Variants in MPDZ observed in about 807,000 individuals in gnomAD.
MPDZ encodes the protein multiple PDZ domain protein.
In MPDZ, 234 loss-of-function variants were observed where a neutral mutation model predicts 239.1. The observed-to-expected ratio is 0.98, with a 90% CI of 0.88 to 1.09. The LOEUF (loss-of-function observed/expected upper bound fraction) is 1.09, where lower values mean the gene tolerates loss of function less well. Among genes scored for constraint, MPDZ ranks in the 50% least tolerant of loss-of-function variants. The pLI is 0.00. For synonymous variants in MPDZ, 1,048 were observed against 881.3 expected, an observed-to-expected ratio of 1.19 and a Z score of -3.35; for missense variants, 3,175 against 2,510.0, an observed-to-expected ratio of 1.26 and a Z score of -5.66.
chr9:13,155,777 T>G (rs1949742142), intron 24 of MPDZ, among the ~76,000 whole-genome samples: 1 of 152,202 alleles, frequency 6.6e-6, no homozygotes. Flanking sequence ...CCTAATTTAT[T>G]AAAAGCTCTG....
rs750301262 is a variant in MPDZ at position 13,168,568 on chromosome 9, C to A, written c.3056-4G>T. The A allele has an allele frequency of 3.9e-6, 6 of 1,552,468 alleles. No individual in the cohort carries two copies. The highest frequency in any genetic ancestry group is 2.6e-6 in the Non-Finnish European group (3 of 1,155,710). ...TTATTAGCACTAACTGTCATTCCTA[C>A]AGGAAAAGAGAAATGCAAATATAAT... On this transcript the variant is annotated splice_polypyrimidine_tract_variant and splice_region_variant and intron_variant, in intron 21 of 46. Transcript: ENST00000319217.
At chr9:13,205,278 C>T (rs758726207) in intron 11 of MPDZ, among the ~76,000 whole-genome samples, 171 bp from the exon 12 acceptor site, 15 of 152,084 alleles carry the variant, frequency 9.9e-5, no homozygotes, top group Non-Finnish European at 1.5e-4. Context: ...GAAAAGAATA[C>T]ATTTCTCCTG....
At chr9:13,124,233 CTATT>C (rs1460223144) in intron 35 of MPDZ, among the ~76,000 whole-genome samples, 2 of 152,084 alleles carry the variant, frequency 1.3e-5, no homozygotes, top group African/African-American at 4.8e-5. Flanking sequence ...ATAGACAACA[CTATT>C]TAGGGATCAA....
intron 12 of MPDZ, among the ~76,000 whole-genome samples, chr9:13,202,378 G>A (rs1956485609): frequency 6.6e-6 from 1 of 152,124 alleles, no homozygotes; most frequent in Non-Finnish European, 1.5e-5. Context: ...GTTGTTTCTA[G>A]GCCAGGAGAT....
chr9:13,174,713 T>C (rs529906642), intron 21 of MPDZ, among the ~76,000 whole-genome samples: 1 of 152,332 alleles, frequency 6.6e-6, no homozygotes, highest in Admixed American at 6.5e-5. Context: ...TGTCTCATAA[T>C]TAATGAGTTA....
rs190507855 is a variant in MPDZ at position 13,121,769 on chromosome 9, T to C, written c.5201A>G (p.Lys1734Arg). The C allele has an allele frequency of 3.7e-6, 6 of 1,613,712 alleles. No individual in the cohort carries two copies. The highest frequency in any genetic ancestry group is 2.2e-5 in the East Asian group (1 of 44,858). ...ACCAACAATACTTAATCCTAGGCCT[T>C]TTCCCGGCTTCTTCTGCAGCTCAAT... ...LTIELQKKPG[K>R]GLGLSIVGKR... Residue 1734 changes from lysine (K) to arginine (R), a missense_variant, in exon 38 of 47, where the codon AAA becomes AGA. Physicochemically the swap from Lys to Arg is conservative, Grantham distance 26 (BLOSUM62 2). Coordinates refer to ENST00000319217, the MANE Select transcript of MPDZ (RefSeq NM_001378778.1).
intron 22 of MPDZ, 30 bp downstream of exon 22, chr9:13,168,336 A>G: frequency 1.3e-6 from 2 of 1,588,510 alleles, no homozygotes; most frequent in Non-Finnish European, 1.7e-6. Flanking sequence ...TGAATTTCCC[A>G]AGTTAAACTG....
At position 13,113,995 on chromosome 9, in the gene MPDZ, GA is replaced by G. The variant is rs1942945941; in HGVS notation, c.5492del (p.Phe1831SerfsTer30). 20 of 1,597,114 alleles carry G rather than the reference GA, an allele frequency of 1.3e-5. No individual in the cohort carries two copies. Among genetic ancestry groups the G allele is most frequent in the Non-Finnish European group, 1.7e-5 (20 of 1,171,256 alleles). On this transcript the variant is annotated frameshift_variant, in exon 41 of 47. Transcript: ENST00000319217. LOFTEE classifies it high-confidence loss of function. ...TACTGGATCCAGAGAGTGGAAAAGT[GA>G]AAGATGACAGGCTGCCTTCACTCAC... ...SQVSEGSLSSFTFPLSGSSTS... is the reference protein window; with the variant it reads ...SQVSEGSLSSXTFPLSGSSTS...
rs549083347 is a variant in MPDZ, at chr9:13,217,518, C to A, written c.1087-224G>T. Among the ~76,000 whole-genome samples, 4 of 151,902 alleles carry A rather than the reference C, an allele frequency of 2.6e-5. No individual in the cohort carries two copies. In the East Asian group the frequency reaches 7.8e-4, roughly 30 times the overall value. ...GATATCAGGCAGGAATAAGGTTGAA[C>A]CTTCCCTTATCAGAGAATACATTAT... On this transcript the variant is annotated intron_variant, in intron 8 of 46. Coordinates refer to ENST00000319217, the MANE Select transcript of MPDZ (RefSeq NM_001378778.1).
intron 32 of MPDZ, among the ~76,000 whole-genome samples, chr9:13,130,913 G>C (rs1195993609): frequency 1.3e-5 from 2 of 152,164 alleles, no homozygotes; most frequent in Non-Finnish European, 2.9e-5. Context: ...TAATGGATGG[G>C]AAATGGGACT....
In MPDZ at chr9:13,105,712, G is replaced by C. The variant is rs1477347160; in HGVS notation, c.*1253C>G. The C allele has an allele frequency of 6.6e-6, 1 of 152,062 alleles. No individual in the cohort carries two copies. The highest frequency in any genetic ancestry group is 1.5e-5 in the Non-Finnish European group (1 of 67,986). 9.4% of individuals were successfully genotyped at this position (152,062 alleles called of 1,614,324 possible). A position where few individuals can be genotyped will look rare whatever the true frequency, so the allele number is the denominator to read the frequency against. ...AAAAAAATGCTTGCTGCTTATTTGT[G>C]CACCACTGAAAATTCTTATTTATTC... On this transcript the variant is annotated 3_prime_UTR_variant, in exon 47 of 47. Coordinates refer to ENST00000319217, the MANE Select transcript of MPDZ (RefSeq NM_001378778.1).
chr9:13,245,827 T>A (rs1966465786), intron 3 of MPDZ, among the ~76,000 whole-genome samples: 1 of 152,172 alleles, frequency 6.6e-6, no homozygotes, highest in Admixed American at 6.6e-5. Context: ...AAAACAAGCT[T>A]AATAGGCCGG....
rs144519854 is a variant in MPDZ, at chr9:13,193,290, A to G, written c.1680T>C (p.Ser560=). Residue 560 remains serine (S), a synonymous_variant, in exon 14 of 47, where the codon AGT becomes AGC. Transcript: ENST00000319217. The part of the protein sequence containing the change: ...EIVVAHVSKF[S]ENSGLGISLE... ...GGCTTATCCCCAATCCACTGTTCTC[A>G]CTAAACTTGCTCACATGGGCCACCT... The G allele has an allele frequency of 6.2e-5, 99 of 1,608,090 alleles. No individual in the cohort carries two copies. The African/African-American group carries it at 1.1e-3, about 18-fold the overall frequency.
intron 27 of MPDZ, among the ~76,000 whole-genome samples, chr9:13,141,812 C>A (rs537966882): frequency 6.6e-6 from 1 of 152,042 alleles, no homozygotes; most frequent in African/African-American, 2.4e-5. Context: ...GATTTAAGGG[C>A]GTAAGTGTCA....
intron 35 of MPDZ, among the ~76,000 whole-genome samples, chr9:13,124,867 C>T (rs1469280196): frequency 1.3e-5 from 2 of 152,082 alleles, no homozygotes; most frequent in Non-Finnish European, 2.9e-5. Context: ...AATGATATTT[C>T]TAATTCATTA....
chr9:13,164,968 C>G (rs1410164056), intron 22 of MPDZ, among the ~76,000 whole-genome samples: 1 of 152,092 alleles, frequency 6.6e-6, no homozygotes, highest in Non-Finnish European at 1.5e-5. Flanking sequence ...TTCAAACTAA[C>G]TTTTGGATAC....
chr9:13,232,017 A>T (rs915095240), intron 3 of MPDZ, among the ~76,000 whole-genome samples: 3 of 152,214 alleles, frequency 2.0e-5, no homozygotes, highest in African/African-American at 4.8e-5. Flanking sequence ...GAGAAAAAAA[A>T]TAATGGATAA....
chr9:13,258,974 A>C (rs1192337250), intron 1 of MPDZ, among the ~76,000 whole-genome samples: 1 of 152,090 alleles, frequency 6.6e-6, no homozygotes, highest in Non-Finnish European at 1.5e-5. Flanking sequence ...AGTCCCAGCT[A>C]CTGGGGAGAC....
intron 3 of MPDZ, among the ~76,000 whole-genome samples, chr9:13,230,215 T>C (rs1961961145): frequency 2.0e-5 from 3 of 152,106 alleles, no homozygotes; most frequent in Non-Finnish European, 2.9e-5. Context: ...AAATGTAAAA[T>C]GGTACACCCC....
Sources: allele counts gnomAD v4.1 joint callset (sites outside exome capture counted in the v4.1 genomes callset), GRCh38; gene constraint gnomAD v4.1.1; transcripts MANE v1.5; gene names NCBI Gene and HGNC (gene_info 2026-07-23, HGNC 2026-07-21).